PMS2: variants seen among roughly 807,000 people sequenced by gnomAD.
PMS2 encodes the protein mismatch repair endonuclease PMS2.
PMS2 carries 69 observed loss-of-function variants against 90.0 expected under a neutral mutation model. That is an observed-to-expected ratio of 0.77 (90% CI 0.63 to 0.94). The LOEUF is 0.94. Among genes scored for constraint, PMS2 ranks in the 40% least tolerant of loss-of-function variants. The pLI, the probability that PMS2 is intolerant of heterozygous loss-of-function variation, is 0.00. For synonymous variants in PMS2, 332 were observed against 375.1 expected (o/e 0.89, Z 1.33); for missense variants, 966 against 1,040.2 (o/e 0.93, Z 0.98).
rs587781913 is a variant in PMS2 at position 6,002,635 on chromosome 7, C to A, written c.355G>T (p.Asp119Tyr). ...EALSSLCALS[D>Y]VTISTCHASA... ...GCGTGGCAGGTAGAAATGGTGACAT[C>A]GCTGTGAGAGAATACCAGGCATGGT... Residue 119 changes from aspartate to tyrosine, a missense_variant and splice_region_variant, in exon 5 of 15, where the codon GAT (aspartate) becomes TAT (tyrosine). By Grantham distance (160) the Asp-to-Tyr change is radical. Transcript: ENST00000265849. 1.7e-5 allele frequency: 27 copies of A among 1,610,488 alleles called. No homozygotes were observed. Among genetic ancestry groups the A allele is most frequent in the Non-Finnish European group, 2.2e-5 (26 of 1,178,632 alleles).
rs560232791 is a variant in PMS2 at position 6,008,741 on chromosome 7, G to A, written c.23+256C>T. 2.7e-5 allele frequency among the ~76,000 whole-genome samples: 4 copies of A among 150,060 alleles called. No individual in the cohort carries two copies. The South Asian group carries it at 8.3e-4, about 31-fold the overall frequency. ...ATGTGGGCAAGGCCTGTCTGGGACAGGCCGAACCCAACTCCTCACAGGGCC... is the reference window on the plus strand; with the variant it reads ...ATGTGGGCAAGGCCTGTCTGGGACAAGCCGAACCCAACTCCTCACAGGGCC... On this transcript the variant is annotated intron_variant, in intron 1 of 14. Transcript: ENST00000265849.
At chr7:5,985,264 ATTTT>A (rs142453627) in intron 11 of PMS2, among the ~76,000 whole-genome samples, 3 of 116,792 alleles carry the variant, frequency 2.6e-5, no homozygotes, top group African/African-American at 6.7e-5. Context: ...TACTTAGCTA[ATTTT>A]TTTTTTTTTT....
intron 12 of PMS2, among the ~76,000 whole-genome samples, chr7:5,980,967 C>T (rs113937567): frequency 0.12 from 18,769 of 151,298 alleles, 1,999 homozygotes; most frequent in African/African-American, 0.26. Context: ...GAGTACTCAG[C>T]AAACTACACA....
rs368928783 is a variant in PMS2 at position 5,986,785 on chromosome 7, G to A, written c.1980C>T (p.Ala660=). ...TTATCTCTTTTCTTAGTTCATCTTCGGCTGCTTGATTTTCTCCAGGACAAA... is the reference window on the plus strand; with the variant it reads ...TTATCTCTTTTCTTAGTTCATCTTCAGCTGCTTGATTTTCTCCAGGACAAA... ...AKICPGENQA[A]EDELRKEISK... Residue 660 remains alanine, a synonymous_variant, in exon 11 of 15, where the codon GCC becomes GCT. Transcript: ENST00000265849. 3.2e-5 allele frequency: 51 copies of A among 1,606,296 alleles called. No individual in the cohort carries two copies. The highest frequency in any genetic ancestry group is 2.0e-4 in the African/African-American group (15 of 74,472).
At chr7:5,976,094 C>G (rs1051379327) in intron 14 of PMS2, among the ~76,000 whole-genome samples, 1 of 143,484 alleles carries the variant, frequency 7.0e-6, no homozygotes, top group African/African-American at 2.5e-5. Context: ...TAAAAATTAG[C>G]CAGGTGTGGT....
intron 11 of PMS2, among the ~76,000 whole-genome samples, chr7:5,985,328 A>G (rs1320057171): frequency 1.3e-5 from 2 of 148,834 alleles, no homozygotes; most frequent in African/African-American, 2.5e-5. Context: ...CTGGTCTCAA[A>G]CTCCTAGCCT....
intron 12 of PMS2, among the ~76,000 whole-genome samples, chr7:5,982,411 T>C (rs1451829587): frequency 6.6e-6 from 1 of 151,992 alleles, no homozygotes; most frequent in Non-Finnish European, 1.5e-5. Flanking sequence ...ACCATGTTGG[T>C]CAGGCTGGTC....
chr7:5,998,297 G>T (rs1338694322), intron 6 of PMS2, among the ~76,000 whole-genome samples: 1 of 150,682 alleles, frequency 6.6e-6, no homozygotes, highest in Non-Finnish European at 1.5e-5. Context: ...GATCAGGCTG[G>T]TCTCAAACTC....
At chr7:5,984,778 CTT>C (rs950252256) in intron 11 of PMS2, among the ~76,000 whole-genome samples, 8 of 151,242 alleles carry the variant, frequency 5.3e-5, no homozygotes, top group African/African-American at 2.0e-4. Flanking sequence ...GAGTGAGACT[CTT>C]GTCTCAAAAA....
chr7:5,997,351 A>T lies in PMS2; in HGVS notation c.778T>A (p.Ser260Thr), dbSNP rs1259974071. The change falls in exon 7 of 15, where the codon TCC (serine) becomes ACC (threonine). Residue 260 changes from serine to threonine, a missense_variant. Physicochemically the swap from Ser to Thr is moderately conservative, Grantham distance 58 (BLOSUM62 1). Around this residue, in one of 2 missense-constraint regions of PMS2, gnomAD observed 871 missense variants for 802.4 expected, o/e 1.09. Transcript: ENST00000265849. ...SVCEEYGLSC[S>T]DALHNLFYIS... ...TAAAAAAGATTATGCAGAGCATCGG[A>T]ACAGCTCAAACCGTACTCTTCACAC... The T allele has an allele frequency of 1.9e-6, 3 of 1,595,574 alleles. No homozygotes were observed. Among genetic ancestry groups the T allele is most frequent in the Non-Finnish European group, 2.6e-6 (3 of 1,163,546 alleles).
Position 5,987,386 on chromosome 7 carries a change from C to T in PMS2, c.1379G>A (p.Gly460Asp), listed in dbSNP as rs150201462. The change falls in exon 11 of 15, where the codon GGT becomes GAT. Residue 460 changes from glycine (G) to aspartate (D), a missense_variant. Gly to Asp is a moderately conservative substitution (Grantham distance 94). This residue lies in a region of PMS2 where 871 missense variants were observed against 802.4 expected (regional missense o/e 1.09). Transcript: ENST00000265849. Reference protein sequence around the residue: ...KRGMLSSSTSGAISDKGVLRP... With the variant: ...KRGMLSSSTSDAISDKGVLRP... ...CAGGACGCCTTTGTCAGAGATGGCA[C>T]CTGAAGTGCTAGAAGACAGCATACC... 3.6e-5 allele frequency: 58 copies of T among 1,614,106 alleles called. 1 individual carries two copies. Among genetic ancestry groups the T allele is most frequent in the African/African-American group, 2.4e-4 (18 of 75,030 alleles).
chr7:6,004,006 T>C lies in PMS2; in HGVS notation c.216A>G (p.Gly72=), dbSNP rs568370805. The C allele has an allele frequency of 6.2e-7, 1 of 1,605,856 alleles. No homozygotes were observed. Among genetic ancestry groups the C allele is most frequent in the Non-Finnish European group, 8.5e-7 (1 of 1,174,302 alleles). ...CGAAGTTTTCTTCTTCTACCCCACA[T>C]CCATTGTCTGAAACTTCAATAAGAT... ...GVDLIEVSDN[G]CGVEEENFEG... Residue 72 remains glycine, a synonymous_variant, in exon 3 of 15, where the codon GGA becomes GGG. Coordinates refer to ENST00000265849, the MANE Select transcript of PMS2 (RefSeq NM_000535.7).
rs1781436908 is a variant in PMS2 at position 5,972,931 on chromosome 7, T to C, written c.*468A>G. Among the ~76,000 whole-genome samples the C allele has an allele frequency of 1.3e-5, 1 of 77,314 alleles. No individual in the cohort carries two copies. The highest frequency in any genetic ancestry group is 2.5e-5 in the Non-Finnish European group (1 of 39,634). 50.7% of individuals were successfully genotyped at this position (77,314 alleles called of 152,430 possible). A position where few individuals can be genotyped will look rare whatever the true frequency, so the allele number is the denominator to read the frequency against. ...CAATCTCGGTTCACTGCAACCTCCGTCTCCCGGGTTCAAGCGATTCTCCTG... is the reference window on the plus strand; with the variant it reads ...CAATCTCGGTTCACTGCAACCTCCGCCTCCCGGGTTCAAGCGATTCTCCTG... On this transcript the variant is annotated 3_prime_UTR_variant, in exon 15 of 15. Coordinates refer to ENST00000265849, the MANE Select transcript of PMS2 (RefSeq NM_000535.7).
chr7:5,992,446 A>G (rs191533842), intron 8 of PMS2, among the ~76,000 whole-genome samples: 1 of 151,906 alleles, frequency 6.6e-6, no homozygotes, highest in Non-Finnish European at 1.5e-5. Context: ...CAGCCTCCAG[A>G]GTAGCTGGGA....
At chr7:6,001,287 A>G (rs1785060538) in intron 5 of PMS2, among the ~76,000 whole-genome samples, 1 of 152,182 alleles carries the variant, frequency 6.6e-6, no homozygotes, top group Non-Finnish European at 1.5e-5. Flanking sequence ...AAACACAACG[A>G]CTATATAACA....
chr7:5,988,201 T>C (rs1783284440), intron 10 of PMS2, among the ~76,000 whole-genome samples: 1 of 152,022 alleles, frequency 6.6e-6, no homozygotes, highest in South Asian at 2.1e-4. Context: ...ATGAACCTGG[T>C]ACAGCTGCTT....
At position 6,003,736 on chromosome 7, in the gene PMS2, T is replaced by C; in HGVS notation, c.307A>G (p.Thr103Ala). The C allele has an allele frequency of 6.2e-7, 1 of 1,601,654 alleles. No homozygotes were observed. Among genetic ancestry groups the C allele is most frequent in the African/African-American group, 1.3e-5 (1 of 74,976 alleles). ...QEFADLTQVE[T>A]FGFRGEALSS... ...AGAGCTTCCCCCCGAAAGCCAAAAGTTTCAACCTGAGTTAGGTCGGCAAAC... is the reference window on the plus strand; with the variant it reads ...AGAGCTTCCCCCCGAAAGCCAAAAGCTTCAACCTGAGTTAGGTCGGCAAAC... Residue 103 changes from threonine to alanine, a missense_variant, in exon 4 of 15, where the codon ACT becomes GCT. Physicochemically the swap from Thr to Ala is moderately conservative, Grantham distance 58. Coordinates refer to ENST00000265849, the MANE Select transcript of PMS2 (RefSeq NM_000535.7).
In PMS2 at chr7:5,990,248, T is replaced by TCCACCCGCCTTGGCCTC. The variant is rs1562646416; in HGVS notation, c.989-310_989-294dup. On this transcript the variant is annotated intron_variant, in intron 9 of 14. Transcript: ENST00000265849. The stretch of plus-strand genomic sequence containing the variant: ...GTCTCGAACTCACAACCTCAAGTGA[T>TCCACCCGCCTTGGCCTC]CCACCCGCCTTGGCCTCCCAAAGTT... Among the ~76,000 whole-genome samples, 8 of 152,336 alleles carry TCCACCCGCCTTGGCCTC rather than the reference T, an allele frequency of 5.3e-5. No homozygotes were observed. In the South Asian group the frequency reaches 1.7e-3, roughly 32 times the overall value.
intron 11 of PMS2, among the ~76,000 whole-genome samples, chr7:5,984,089 G>C (rs1170433210): frequency 1.3e-5 from 2 of 151,848 alleles, no homozygotes; most frequent in Admixed American, 1.3e-4. Context: ...AAATACTTCT[G>C]TGCATAAACC....
Sources: allele counts gnomAD v4.1 joint callset (sites outside exome capture counted in the v4.1 genomes callset), GRCh38; gene constraint gnomAD v4.1.1; regional missense constraint gnomAD v4.1.1; transcripts MANE v1.5; gene names NCBI Gene and HGNC (gene_info 2026-07-23, HGNC 2026-07-21).